Variants in ROBO1 observed in about 807,000 individuals in gnomAD.
ROBO1 encodes the protein roundabout guidance receptor 1, also known as roundabout homolog 1.
ROBO1 carries 149 observed loss-of-function variants against 195.9 expected under a neutral mutation model. That is an observed-to-expected ratio of 0.76 (90% CI 0.67 to 0.87). ROBO1 has a LOEUF of 0.87. Ranked by LOEUF, ROBO1 falls within the 40% of genes least tolerant of loss-of-function variation. The pLI, the probability that ROBO1 is intolerant of heterozygous loss-of-function variation, is 0.00. For synonymous variants in ROBO1, 816 were observed against 733.2 expected, an observed-to-expected ratio of 1.11 and a Z score of -1.82; for missense variants, 1,933 against 2,068.3, an observed-to-expected ratio of 0.93 and a Z score of 1.27.
chr3:78,989,044 T>C (rs905316807), intron 3 of ROBO1, among the ~76,000 whole-genome samples: 46 of 152,122 alleles, frequency 3.0e-4, no homozygotes, highest in African/African-American at 1.1e-3. Context: ...TTAAAGGATA[T>C]AAAATTACAG....
At chr3:79,437,684 T>C (rs141411446) in intron 2 of ROBO1, among the ~76,000 whole-genome samples, 1 of 152,086 alleles carries the variant, frequency 6.6e-6, no homozygotes, top group African/African-American at 2.4e-5. Context: ...TCTATGTGTA[T>C]AGAGTGCAAT....
intron 3 of ROBO1, among the ~76,000 whole-genome samples, chr3:79,013,725 C>T (rs1285858847): frequency 1.3e-5 from 2 of 152,152 alleles, no homozygotes; most frequent in East Asian, 1.9e-4. Context: ...ACAGTAAAAT[C>T]AGGGCACAGT....
At chr3:78,728,539 T>C (rs550448745) in intron 5 of ROBO1, among the ~76,000 whole-genome samples, 2 of 151,746 alleles carry the variant, frequency 1.3e-5, no homozygotes, top group South Asian at 4.2e-4. Context: ...ACTAGTCTAT[T>C]CTCAAGTGAA....
chr3:79,665,090 T>C (rs1046483101), intron 1 of ROBO1, among the ~76,000 whole-genome samples: 3 of 151,964 alleles, frequency 2.0e-5, no homozygotes, highest in Non-Finnish European at 4.4e-5. Flanking sequence ...AGAGATATAA[T>C]TTAAAAATAT....
intron 2 of ROBO1, among the ~76,000 whole-genome samples, chr3:79,316,605 T>C (rs1215669224): frequency 6.6e-6 from 1 of 152,118 alleles, no homozygotes; most frequent in African/African-American, 2.4e-5. Flanking sequence ...AGTCTGAGGA[T>C]GGCATAAAGT....
At chr3:79,204,048 A>G (rs187594109) in intron 2 of ROBO1, among the ~76,000 whole-genome samples, 1 of 152,216 alleles carries the variant, frequency 6.6e-6, no homozygotes, top group Admixed American at 6.6e-5. Context: ...TATTTTTCCT[A>G]TTCTTTTTCA....
chr3:79,149,216 T>C (rs529198583), intron 2 of ROBO1, among the ~76,000 whole-genome samples: 2 of 152,084 alleles, frequency 1.3e-5, no homozygotes, highest in South Asian at 4.1e-4. Context: ...AACTGTCCAT[T>C]TAAACTACTC....
At chr3:79,541,834 T>C (rs1942082281) in intron 2 of ROBO1, among the ~76,000 whole-genome samples, 2 of 145,540 alleles carry the variant, frequency 1.4e-5, no homozygotes, top group South Asian at 2.1e-4. Context: ...TGTGTGTATA[T>C]ATATATATAT....
chr3:78,995,348 T>C (rs2077337289), intron 3 of ROBO1, among the ~76,000 whole-genome samples: 1 of 151,872 alleles, frequency 6.6e-6, no homozygotes, highest in Non-Finnish European at 1.5e-5. Context: ...CACAGGGTGG[T>C]TAATGACGCC....
intron 2 of ROBO1, among the ~76,000 whole-genome samples, chr3:79,565,303 C>T (rs1943055297): frequency 1.3e-5 from 2 of 150,900 alleles, no homozygotes; most frequent in Admixed American, 6.6e-5. Flanking sequence ...CTTTGTGTGA[C>T]CTTGGCAAGG....
intron 1 of ROBO1, among the ~76,000 whole-genome samples, chr3:79,726,714 C>CAA (rs1168563201): frequency 6.6e-6 from 1 of 152,034 alleles, no homozygotes; most frequent in African/African-American, 2.4e-5. Flanking sequence ...TTAGTTAAGC[C>CAA]AAATACATTT....
At chr3:79,476,616 C>G (rs185142483) in intron 2 of ROBO1, among the ~76,000 whole-genome samples, 67 of 151,998 alleles carry the variant, frequency 4.4e-4, no homozygotes, top group African/African-American at 1.5e-3. Flanking sequence ...TTTGTAGCAA[C>G]CTGGATGGAA....
rs372784930 is a variant in ROBO1 at position 78,717,843 on chromosome 3, C to A, written c.698G>T (p.Ser233Ile). 2 of 1,613,714 alleles carry A rather than the reference C, an allele frequency of 1.2e-6. No individual in the cohort carries two copies. Among genetic ancestry groups the A allele is most frequent in the African/African-American group, 1.3e-5 (1 of 75,030 alleles). ...GKLMITYTRK[S>I]DAGKYVCVGT... ...AACACAAACATATTTGCCAGCGTCA[C>A]TTTTACGGGTGTAAGTGATCATGAG... The change falls in exon 6 of 31, where the codon AGT (serine) becomes ATT (isoleucine). Residue 233 changes from serine (S) to isoleucine (I), a missense_variant. Coordinates refer to ENST00000464233, the MANE Select transcript of ROBO1 (RefSeq NM_002941.4).
intron 14 of ROBO1, among the ~76,000 whole-genome samples, chr3:78,663,413 A>T (rs1707545182): frequency 6.6e-6 from 1 of 152,108 alleles, no homozygotes. Flanking sequence ...TGCCCTCAGG[A>T]TAACTATTAT....
At chr3:78,873,715 T>C (rs1166864504) in intron 4 of ROBO1, among the ~76,000 whole-genome samples, 1 of 152,154 alleles carries the variant, frequency 6.6e-6, no homozygotes, top group African/African-American at 2.4e-5. Context: ...TTTTAAAAAA[T>C]GCTTTCCTGG....
At chr3:79,479,510 A>G (rs779979708) in intron 2 of ROBO1, among the ~76,000 whole-genome samples, 9 of 152,242 alleles carry the variant, frequency 5.9e-5, no homozygotes, top group South Asian at 4.2e-4. Flanking sequence ...TCCACAGCCC[A>G]AGGGTTGGAG....
intron 2 of ROBO1, among the ~76,000 whole-genome samples, chr3:79,330,320 T>A (rs1229995795): frequency 3.8e-5 from 5 of 132,228 alleles, no homozygotes; most frequent in African/African-American, 1.5e-4. Flanking sequence ...AAAAAATAAA[T>A]AAATAAATAA....
At chr3:79,297,727 C>A (rs1188832684) in intron 2 of ROBO1, among the ~76,000 whole-genome samples, 1 of 152,096 alleles carries the variant, frequency 6.6e-6, no homozygotes. Context: ...TGACATATTT[C>A]TTTTATTGAA....
chr3:79,387,997 C>A (rs1356870516), intron 2 of ROBO1, among the ~76,000 whole-genome samples: 3 of 152,000 alleles, frequency 2.0e-5, no homozygotes, highest in Admixed American at 6.6e-5. Flanking sequence ...TGATATGGAC[C>A]CATTGGAGGT....
Sources: gnomAD v4.1 joint callset for allele counts (sites outside exome capture counted in the v4.1 genomes callset) on GRCh38, gnomAD v4.1.1 for gene constraint, MANE v1.5 for transcripts, NCBI Gene and HGNC (gene_info 2026-07-23, HGNC 2026-07-21) for gene names.